Variants in COL1A2 observed in about 807,000 individuals in gnomAD.
The protein encoded by COL1A2 is collagen alpha-2(I) chain.
COL1A2 carries 49 observed loss-of-function variants against 174.3 expected under a neutral mutation model. The ratio of observed to expected loss-of-function variants is 0.28; its 90% CI spans 0.22 to 0.36. The LOEUF is 0.36. COL1A2 is among the 10% of genes least tolerant of loss of function. The pLI is 1.00. For synonymous variants in COL1A2, 655 were observed against 606.6 expected (o/e 1.08, Z -1.17); for missense variants, 1,438 against 1,822.7 (o/e 0.79, Z 3.84).
chr7:94,405,572 A>G, intron 10 of COL1A2, 101 bp from the exon 11 acceptor site: 2 of 1,183,112 alleles, frequency 1.7e-6, no homozygotes, highest in Non-Finnish European at 2.5e-6. Context: ...TTTGGTTCAA[A>G]GCTTGAACTT....
intron 3 of COL1A2, 83 bp downstream of exon 3, chr7:94,398,479 G>A: frequency 1.8e-6 from 1 of 560,896 alleles, no homozygotes. Context: ...GACTATAGAA[G>A]GAAAATACTT....
rs1791867091 is a variant in COL1A2, at chr7:94,409,303, G to T, written c.793-19G>T. On this transcript the variant is annotated intron_variant, in intron 16 of 51. Transcript: ENST00000297268. ...TCATTATTTGCTGGTTAATTCCTTGGTTTAATTTCCTCTTTTAGGGTGAAA... is the reference window on the plus strand; with the variant it reads ...TCATTATTTGCTGGTTAATTCCTTGTTTTAATTTCCTCTTTTAGGGTGAAA... The T allele has an allele frequency of 6.2e-7, 1 of 1,608,774 alleles. No homozygotes were observed. Among genetic ancestry groups the T allele is most frequent in the South Asian group, 1.1e-5 (1 of 90,960 alleles).
In COL1A2 at chr7:94,412,607, G is replaced by A; in HGVS notation, c.1428G>A (p.Arg476=). 2 of 1,613,940 alleles carry A rather than the reference G, an allele frequency of 1.2e-6. No homozygotes were observed. Among genetic ancestry groups the A allele is most frequent in the Non-Finnish European group, 1.7e-6 (2 of 1,179,962 alleles). The change falls in exon 25 of 52, where the codon AGG becomes AGA. Residue 476 remains arginine, a synonymous_variant. Transcript: ENST00000297268. The part of the protein sequence containing the change: ...GPVGLPGIDG[R]PGPIGPAGAR... ...AGGGCCTCCCTGGCATCGACGGCAG[G>A]CCTGGCCCAATTGGCCCAGCTGGAG...
intron 29 of COL1A2, among the ~76,000 whole-genome samples, chr7:94,414,678 A>G (rs1792000356): frequency 6.6e-6 from 1 of 152,188 alleles, no homozygotes; most frequent in Non-Finnish European, 1.5e-5. Context: ...TGACACTACT[A>G]TACACAATCA....
At chr7:94,411,387 T>C (rs559513469) in intron 23 of COL1A2, among the ~76,000 whole-genome samples, 4 of 152,280 alleles carry the variant, frequency 2.6e-5, no homozygotes, top group Non-Finnish European at 5.9e-5. Context: ...TTTGGAAGAA[T>C]AGATCTATTT....
At chr7:94,408,449 T>C in intron 15 of COL1A2, 69 bp downstream of exon 15, 1 of 1,521,004 alleles carries the variant, frequency 6.6e-7, no homozygotes, top group Non-Finnish European at 9.1e-7. Flanking sequence ...TCTTCATTAA[T>C]CTCTTACGAA....
In COL1A2 at chr7:94,430,379, G is replaced by A. The variant is rs767718545; in HGVS notation, c.4087G>A (p.Val1363Ile). Residue 1363 changes from valine to isoleucine, a missense_variant, in exon 52 of 52, where the codon GTC (valine) becomes ATC (isoleucine). Val to Ile is a conservative substitution (Grantham distance 29). Around this residue, in one of 3 missense-constraint regions of COL1A2, gnomAD observed 290 missense variants for 298.1 expected, o/e 0.97. Transcript: ENST00000297268. ...DQEFFVDIGP[V>I]CFK ...GGAATTCTTTGTGGACATTGGCCCA[G>A]TCTGTTTCAAATAAATGAACTCAAT... 3 of 1,613,954 alleles carry A rather than the reference G, an allele frequency of 1.9e-6. No homozygotes were observed. Among genetic ancestry groups the A allele is most frequent in the East Asian group, 4.5e-5 (2 of 44,870 alleles).
chr7:94,424,272 C>G (rs1792228626), intron 40 of COL1A2, 64 bp from the exon 41 acceptor site: 1 of 1,391,694 alleles, frequency 7.2e-7, no homozygotes, highest in South Asian at 1.2e-5. Context: ...TCACAATCTT[C>G]AAGCCAACCT....
chr7:94,414,787 AT>A (rs1792002842), intron 29 of COL1A2, among the ~76,000 whole-genome samples: 1 of 152,194 alleles, frequency 6.6e-6, no homozygotes, highest in Non-Finnish European at 1.5e-5. Flanking sequence ...AGTAGGACAT[AT>A]TAAGGAGACA....
intron 29 of COL1A2, 90 bp downstream of exon 29, chr7:94,414,365 T>A: frequency 8.4e-7 from 1 of 1,188,666 alleles, no homozygotes; most frequent in Non-Finnish European, 1.2e-6. Context: ...TTATAATATG[T>A]AAAAGAAAAT....
Position 94,409,807 on chromosome 7 carries a change from G to A in COL1A2, c.1021G>A (p.Ala341Thr), listed in dbSNP as rs758861478. The A allele has an allele frequency of 3.1e-6, 5 of 1,613,992 alleles. No individual in the cohort carries two copies. The highest frequency in any genetic ancestry group is 4.2e-6 in the Non-Finnish European group (5 of 1,180,038). Residue 341 changes from alanine to threonine, a missense_variant, in exon 19 of 52, where the codon GCC (alanine) becomes ACC (threonine). This residue lies in a region of COL1A2 where 867 missense variants were observed against 1,213.7 expected (regional missense o/e 0.71). Transcript: ENST00000297268. Reference sequence around the variant, plus strand: ...TGTTGGTGCTGCCGGTGCTACTGGTGCCAGAGGACTTGTTGTAAGTGGTCA... The same window carrying A: ...TGTTGGTGCTGCCGGTGCTACTGGTACCAGAGGACTTGTTGTAAGTGGTCA... ...GPVGAAGATG[A>T]RGLVGEPGPA...
In COL1A2 at chr7:94,405,238, G is replaced by A. The variant is rs750224681; in HGVS notation, c.472G>A (p.Val158Ile). ...ACCCGGACGACCTGGTGAGAGAGGA[G>A]TTGTTGGACCACAGGTGAGACTTTT... ...GKPGRPGERG[V>I]VGPQGARGFP... The change falls in exon 10 of 52, where the codon GTT becomes ATT. Residue 158 changes from valine to isoleucine, a missense_variant. Val to Ile is a conservative substitution (Grantham distance 29). Transcript: ENST00000297268. The A allele has an allele frequency of 2.5e-6, 4 of 1,613,984 alleles. No individual in the cohort carries two copies. Among genetic ancestry groups the A allele is most frequent in the Non-Finnish European group, 3.4e-6 (4 of 1,179,920 alleles).
intron 48 of COL1A2, 101 bp from the exon 49 acceptor site, chr7:94,427,525 GA>G: frequency 7.2e-7 from 1 of 1,388,384 alleles, no homozygotes; most frequent in East Asian, 2.3e-5. Context: ...TTACTGATGA[GA>G]ACATGCTTCC....
chr7:94,412,551 C>T, intron 24 of COL1A2, 33 bp from the exon 25 acceptor site: 1 of 1,550,556 alleles, frequency 6.4e-7, no homozygotes, highest in African/African-American at 1.4e-5. Flanking sequence ...AATATGTTGA[C>T]ACTGAGTAAA....
intron 31 of COL1A2, chr7:94,417,368 C>A: frequency 6.2e-6 from 2 of 320,334 alleles, no homozygotes; most frequent in Non-Finnish European, 1.2e-5. Flanking sequence ...TCCATGCTTT[C>A]TATCTGGGCT....
intron 46 of COL1A2, chr7:94,426,764 CTTCAACCCCACTTAAAATAAACATAAT>C (rs1295278391): frequency 1.3e-5 from 8 of 626,242 alleles, no homozygotes; most frequent in Middle Eastern, 4.2e-4. Flanking sequence ...TAACAATGTC[CTTCAACCCCACTTAAAATAAACATAAT>C]TAGAGGAATG....
Position 94,394,996 on chromosome 7 carries a change from T to C in COL1A2, c.-36T>C. ...ACCTCCGCCGGTGACCCAGGGGCTC[T>C]GCGACACAAGGAGTCTGCATGTCTA... On this transcript the variant is annotated 5_prime_UTR_variant, in exon 1 of 52. Coordinates refer to ENST00000297268, the MANE Select transcript of COL1A2 (RefSeq NM_000089.4). 6.2e-7 allele frequency: 1 copy of C among 1,604,880 alleles called. No homozygotes were observed. Among genetic ancestry groups the C allele is most frequent in the South Asian group, 1.1e-5 (1 of 90,790 alleles).
In COL1A2 at chr7:94,408,171, TTC is replaced by T. The variant is rs1791841568; in HGVS notation, c.640-10_640-9del. On this transcript the variant is annotated splice_polypyrimidine_tract_variant and intron_variant, in intron 13 of 51. Transcript: ENST00000297268. The stretch of plus-strand genomic sequence containing the variant: ...GCATTCTGGATTTTATTGAAAATAT[TTC>T]TGCTTCTAGGGAGCCCGTGGGCTTC... The T allele has an allele frequency of 1.2e-6, 2 of 1,613,846 alleles. No homozygotes were observed. The highest frequency in any genetic ancestry group is 1.7e-6 in the Non-Finnish European group (2 of 1,179,850).
rs756587993 is a variant in COL1A2, at chr7:94,417,834, A to G, written c.1971+3A>G. 8 of 1,587,366 alleles carry G rather than the reference A, an allele frequency of 5.0e-6. No homozygotes were observed. The highest frequency in any genetic ancestry group is 6.0e-6 in the Non-Finnish European group (7 of 1,165,178). ...TACCTGGAGGCAAGGGAGAAAAGGTACGTGTTGACCCCTATTACATATTGT... is the reference window on the plus strand; with the variant it reads ...TACCTGGAGGCAAGGGAGAAAAGGTGCGTGTTGACCCCTATTACATATTGT... On this transcript the variant is annotated splice_donor_region_variant and intron_variant, in intron 32 of 51. Coordinates refer to ENST00000297268, the MANE Select transcript of COL1A2 (RefSeq NM_000089.4).
Sources: allele counts gnomAD v4.1 joint callset (sites outside exome capture counted in the v4.1 genomes callset), GRCh38; gene constraint gnomAD v4.1.1; regional missense constraint gnomAD v4.1.1; transcripts MANE v1.5; gene names NCBI Gene and HGNC (gene_info 2026-07-23, HGNC 2026-07-21).